The following UBA2 variants were observed in gnomAD, a reference collection of about 807,000 sequenced individuals.
UBA2 encodes the protein ubiquitin like modifier activating enzyme 2, also known as SUMO-activating enzyme subunit 2.
UBA2 carries 11 observed loss-of-function variants against 77.2 expected under a neutral mutation model. The observed-to-expected ratio is 0.14, with a 90% CI of 0.09 to 0.24. The LOEUF (loss-of-function observed/expected upper bound fraction) is 0.24, where lower values mean the gene tolerates loss of function less well. UBA2 is among the 10% of genes least tolerant of loss of function. UBA2 has a pLI of 1.00. For missense variants in UBA2, 487 were observed against 781.7 expected (o/e 0.62, Z 4.50); for synonymous variants, 278 against 276.7 (o/e 1.00, Z -0.05).
At chr19:34,452,208 A>C in intron 10 of UBA2, 61 bp downstream of exon 10, 1 of 1,302,960 alleles carries the variant, frequency 7.7e-7, no homozygotes, top group Non-Finnish European at 1.0e-6. Flanking sequence ...AGTTCTTGAG[A>C]TGTAATAGAA....
chr19:34,446,514 G>T (rs905587026), intron 8 of UBA2, among the ~76,000 whole-genome samples: 1 of 151,584 alleles, frequency 6.6e-6, no homozygotes, highest in Non-Finnish European at 1.5e-5. Context: ...CACAGGTTCT[G>T]CTGTCTTAAT....
chr19:34,438,513 A>G (rs1247731132), intron 5 of UBA2, 132 bp from the exon 6 acceptor site: 12 of 1,101,042 alleles, frequency 1.1e-5, no homozygotes, highest in African/African-American at 1.6e-5. Context: ...TTTTGGAGTC[A>G]CTAATATTTT....
At chr19:34,457,179 A>AT (rs1555730726) in intron 12 of UBA2, among the ~76,000 whole-genome samples, 5,012 of 52,478 alleles carry the variant, frequency 0.096, 262 homozygotes, top group Non-Finnish European at 0.12. Context: ...AAAAAAAAAA[A>AT]ATATATATAT....
chr19:34,457,179 A>ATATATAT lies in UBA2; in HGVS notation c.1246-1590_1246-1589insTATATAT, dbSNP rs1555730726. Among the ~76,000 whole-genome samples, 281 of 53,100 alleles carry ATATATAT rather than the reference A, an allele frequency of 5.3e-3. 3 individuals are homozygous for ATATATAT. The highest frequency in any genetic ancestry group is 0.015 in the African/African-American group (127 of 8,476). The allele number at this position is 53,100 out of a possible 152,430, so 34.8% of individuals were successfully genotyped here. A position where few individuals can be genotyped will look rare whatever the true frequency, so the allele number is the denominator to read the frequency against. ...CCTGGTCTCTACTAAAAAAAAAAAA[A>ATATATAT]ATATATATATATATATATATATATA... On this transcript the variant is annotated intron_variant, in intron 12 of 16. Coordinates refer to ENST00000246548, the MANE Select transcript of UBA2 (RefSeq NM_005499.3).
At chr19:34,451,452 T>G (rs2075495100) in intron 9 of UBA2, among the ~76,000 whole-genome samples, 1 of 152,008 alleles carries the variant, frequency 6.6e-6, no homozygotes, top group Admixed American at 6.6e-5. Context: ...ATTTATCATC[T>G]TATCTACATT....
intron 2 of UBA2, 145 bp downstream of exon 2, chr19:34,430,804 A>G (rs948226653): frequency 1.6e-6 from 1 of 614,830 alleles, no homozygotes. Flanking sequence ...AGATATATCA[A>G]GTAAAGGACT....
chr19:34,452,924 T>C (rs1393837284), intron 10 of UBA2, among the ~76,000 whole-genome samples: 1 of 152,214 alleles, frequency 6.6e-6, no homozygotes, highest in Non-Finnish European at 1.5e-5. Flanking sequence ...CTCTTGGGTT[T>C]TGTGATATTT....
chr19:34,450,427 T>C, intron 9 of UBA2, 63 bp downstream of exon 9: 1 of 1,149,026 alleles, frequency 8.7e-7, no homozygotes, highest in Non-Finnish European at 1.2e-6. Flanking sequence ...AAAGTCTTTG[T>C]ATAGCCCTGT....
chr19:34,431,973 T>A (rs771419613), intron 3 of UBA2, 42 bp downstream of exon 3: 1 of 365,518 alleles, frequency 2.7e-6, no homozygotes, highest in Non-Finnish European at 4.3e-6. Context: ...ATAAGGGTTT[T>A]GTAAGCCAAA....
At chr19:34,444,651 A>G (rs1006614426) in intron 7 of UBA2, among the ~76,000 whole-genome samples, 1 of 152,204 alleles carries the variant, frequency 6.6e-6, no homozygotes, top group Non-Finnish European at 1.5e-5. Flanking sequence ...TACAAAAAAT[A>G]TAAAAATTAG....
intron 13 of UBA2, among the ~76,000 whole-genome samples, chr19:34,459,650 C>A (rs973718040): frequency 5.9e-5 from 9 of 152,056 alleles, no homozygotes; most frequent in Admixed American, 1.3e-4. Context: ...GGGAGATTTT[C>A]TTTTTTTATG....
At chr19:34,439,467 A>G (rs1230900630) in intron 6 of UBA2, among the ~76,000 whole-genome samples, 2 of 152,242 alleles carry the variant, frequency 1.3e-5, no homozygotes, top group Non-Finnish European at 2.9e-5. Flanking sequence ...GAAAGGCTGA[A>G]CATTAATTAC....
intron 7 of UBA2, among the ~76,000 whole-genome samples, chr19:34,444,772 A>AC (rs2075410483): frequency 1.3e-5 from 2 of 152,210 alleles, no homozygotes; most frequent in South Asian, 4.1e-4. Flanking sequence ...TTAACACTGC[A>AC]CTCCAGCCTG....
chr19:34,467,219 G>C, intron 16 of UBA2: 1 of 559,474 alleles, frequency 1.8e-6, no homozygotes, highest in Admixed American at 3.4e-5. Context: ...TGTAATCCCA[G>C]CACTTTGAGA....
At chr19:34,434,746 TAGCTATA>T (rs2075291001) in intron 4 of UBA2, 115 bp from the exon 5 acceptor site, 1 of 708,424 alleles carries the variant, frequency 1.4e-6, no homozygotes, top group Admixed American at 2.6e-5. Context: ...ATTCTGGCCA[TAGCTATA>T]AGAAAATTGT....
intron 13 of UBA2, 99 bp downstream of exon 13, chr19:34,459,023 G>A: frequency 1.6e-6 from 2 of 1,261,052 alleles, no homozygotes; most frequent in South Asian, 3.7e-5. Context: ...TCCAACTGCA[G>A]AGATGTGTGG....
chr19:34,467,242 A>G (rs2075697089), intron 16 of UBA2: 2 of 462,708 alleles, frequency 4.3e-6, no homozygotes, highest in Non-Finnish European at 7.6e-6. Flanking sequence ...CCAAGATGGG[A>G]GTATTACTTG....
chr19:34,468,930 A>T, intron 16 of UBA2, 110 bp from the exon 17 acceptor site: 2 of 792,420 alleles, frequency 2.5e-6, no homozygotes, highest in Non-Finnish European at 3.7e-6. Context: ...AGCCATTCTT[A>T]AGTCTGGTGT....
intron 16 of UBA2, 140 bp downstream of exon 16, chr19:34,467,154 G>A (rs1599939533): frequency 9.5e-7 from 1 of 1,047,282 alleles, no homozygotes; most frequent in East Asian, 2.7e-5. Flanking sequence ...TTGTAATGGA[G>A]CTTTGAATTT....
Sources: gnomAD v4.1 joint callset for allele counts (sites outside exome capture counted in the v4.1 genomes callset) on GRCh38, gnomAD v4.1.1 for gene constraint, MANE v1.5 for transcripts, NCBI Gene and HGNC (gene_info 2026-07-23, HGNC 2026-07-21) for gene names.